The following NLRP5 variants were observed in gnomAD, a reference collection of about 807,000 sequenced individuals.
The protein encoded by NLRP5 is NACHT, LRR and PYD domains-containing protein 5.
In NLRP5, 93 loss-of-function variants were observed where a neutral mutation model predicts 113.1. That is an observed-to-expected ratio of 0.82 (90% confidence interval 0.70 to 0.98). The LOEUF (loss-of-function observed/expected upper bound fraction) is 0.98. Among genes scored for constraint, NLRP5 ranks in the 50% least tolerant of loss-of-function variants. NLRP5 has a pLI of 0.00. For synonymous variants in NLRP5, 751 were observed against 600.7 expected (o/e 1.25, Z -3.66); for missense variants, 1,808 against 1,514.3 (o/e 1.19, Z -3.22).
chr19:56,004,208 C>T lies in NLRP5; in HGVS notation c.442+113C>T, dbSNP rs528480577. On this transcript the variant is annotated intron_variant, in intron 2 of 14. Coordinates refer to ENST00000390649, the MANE Select transcript of NLRP5 (RefSeq NM_153447.4). ...CCGGCTCCACCTCTGCAGTGTGAGTCTGAGCTGTGAGAAGGATCCTATTGG... is the reference window on the plus strand; with the variant it reads ...CCGGCTCCACCTCTGCAGTGTGAGTTTGAGCTGTGAGAAGGATCCTATTGG... The T allele has an allele frequency of 3.6e-4, 411 of 1,151,198 alleles. 1 individual carries two copies. Among genetic ancestry groups the T allele is most frequent in the Non-Finnish European group, 4.3e-4 (348 of 818,408 alleles). 71.3% of individuals were successfully genotyped at this position (1,151,198 alleles called of 1,614,324 possible).
At chr19:55,990,650 C>T in the NLRP5 span, among the ~76,000 whole-genome samples, 1 of 151,968 alleles carries the variant, frequency 6.6e-6, no homozygotes, top group South Asian at 2.1e-4. Flanking sequence ...CACGGTGAAA[C>T]CCCGTCTCTA....
At chr19:56,060,449 T>A (rs567512797) in intron 14 of NLRP5, among the ~76,000 whole-genome samples, 1 of 152,272 alleles carries the variant, frequency 6.6e-6, no homozygotes, top group African/African-American at 2.4e-5. Flanking sequence ...GTTTTCTCGT[T>A]GTTATAGCAA....
chr19:55,992,856 T>C, the NLRP5 span, among the ~76,000 whole-genome samples: 314 of 4,000 alleles, frequency 0.079, 1 homozygote, highest in African/African-American at 0.43. Context: ...TTATGGAGAC[T>C]TTTTTTTTTT....
intron 3 of NLRP5, among the ~76,000 whole-genome samples, chr19:56,011,569 G>C (rs770957949): frequency 1.6e-4 from 24 of 151,900 alleles, no homozygotes; most frequent in Non-Finnish European, 5.9e-5. Context: ...TACGTATGAC[G>C]ACTACAAAGC....
At chr19:56,001,342 A>T (rs1023515482) in intron 1 of NLRP5, among the ~76,000 whole-genome samples, 2 of 151,390 alleles carry the variant, frequency 1.3e-5, no homozygotes, top group Admixed American at 1.3e-4. Context: ...AAAACAAACA[A>T]AAAACACCAC....
intron 4 of NLRP5, chr19:56,018,496 A>T (rs1043268337): frequency 1.1e-4 from 17 of 152,234 alleles, no homozygotes; most frequent in African/African-American, 4.1e-4. Flanking sequence ...GCTTTTCTAG[A>T]TGAGCATACA....
intron 7 of NLRP5, among the ~76,000 whole-genome samples, chr19:56,031,894 A>G (rs1983129992): frequency 6.6e-6 from 1 of 152,194 alleles, no homozygotes; most frequent in African/African-American, 2.4e-5. Context: ...CACCTCTTCC[A>G]CATCCTGATC....
chr19:56,051,499 T>C (rs1983930939), intron 12 of NLRP5, among the ~76,000 whole-genome samples: 2 of 152,158 alleles, frequency 1.3e-5, no homozygotes, highest in African/African-American at 4.8e-5. Context: ...CGCCAAGCAC[T>C]TAATGCATTC....
At chr19:56,035,755 G>A (rs185946233) in intron 9 of NLRP5, among the ~76,000 whole-genome samples, 137 of 152,236 alleles carry the variant, frequency 9.0e-4, no homozygotes, top group African/African-American at 3.0e-3. Context: ...CACCTGGCCC[G>A]TATTCCCCAA....
At chr19:56,011,158 A>AAAAAAAATATAT (rs372922763) in intron 3 of NLRP5, among the ~76,000 whole-genome samples, 57 of 145,222 alleles carry the variant, frequency 3.9e-4, no homozygotes, top group Middle Eastern at 3.5e-3. Context: ...GTCTTTAAAA[A>AAAAAAAATATAT]ATATATATAC....
At position 56,056,991 on chromosome 19, in the gene NLRP5, T is replaced by C. The variant is rs140940375; in HGVS notation, c.3300-1249T>C. Among the ~76,000 whole-genome samples, 866 of 151,584 alleles carry C rather than the reference T, an allele frequency of 5.7e-3. 8 individuals carry two copies. The highest frequency in any genetic ancestry group is 0.019 in the African/African-American group (799 of 41,346). Reference sequence around the variant, plus strand: ...CCCGTCTATACTAAAAATACAAAAATTAGGCATGGTGGCAGGCGCTTGTAA... The same window carrying C: ...CCCGTCTATACTAAAAATACAAAAACTAGGCATGGTGGCAGGCGCTTGTAA... On this transcript the variant is annotated intron_variant, in intron 13 of 14. Transcript: ENST00000390649.
In NLRP5 at chr19:56,003,805, A is replaced by G. The variant is rs1272490566; in HGVS notation, c.152A>G (p.Lys51Arg). 1 of 1,613,888 alleles carries G rather than the reference A, an allele frequency of 6.2e-7. No homozygotes were observed. Among genetic ancestry groups the G allele is most frequent in the Non-Finnish European group, 8.5e-7 (1 of 1,179,904 alleles). ...AACCTGAGCTCTCAGCCTTGTATCAAGATGGAAGGAGACAAATCGCTCACC... is the reference window on the plus strand; with the variant it reads ...AACCTGAGCTCTCAGCCTTGTATCAGGATGGAAGGAGACAAATCGCTCACC... The change falls in exon 2 of 15, where the codon AAG becomes AGG. Residue 51 changes from lysine (K) to arginine (R), a missense_variant. Coordinates refer to ENST00000390649, the MANE Select transcript of NLRP5 (RefSeq NM_153447.4).
chr19:56,030,714 C>CTTTTTTTTTTTTTTTTTTT (rs770624516), intron 7 of NLRP5, among the ~76,000 whole-genome samples: 1,000 of 71,228 alleles, frequency 0.014, 209 homozygotes, highest in African/African-American at 0.021. Flanking sequence ...CTTTCTTCTT[C>CTTTTTTTTTTTTTTTTTTT]TTTTTTTTTT....
At chr19:56,032,419 T>C (rs1379361315) in intron 7 of NLRP5, among the ~76,000 whole-genome samples, 192 bp from the exon 8 acceptor site, 1 of 151,016 alleles carries the variant, frequency 6.6e-6, no homozygotes, top group Non-Finnish European at 1.5e-5. Context: ...CGGGTATCGG[T>C]ATATCCGGGA....
the NLRP5 span, among the ~76,000 whole-genome samples, chr19:55,990,623 G>C: frequency 6.6e-6 from 1 of 151,986 alleles, no homozygotes; most frequent in Admixed American, 6.6e-5. Flanking sequence ...TCAGGAGATC[G>C]AGACCATCCT....
intron 10 of NLRP5, among the ~76,000 whole-genome samples, chr19:56,039,575 CAT>C (rs1983444026): frequency 6.6e-6 from 1 of 152,174 alleles, no homozygotes; most frequent in African/African-American, 2.4e-5. Context: ...ACCTATCACT[CAT>C]GTAGCAGACT....
At chr19:56,050,382 C>T (rs559856420) in intron 11 of NLRP5, 36 bp from the exon 12 acceptor site, 15 of 1,593,700 alleles carry the variant, frequency 9.4e-6, no homozygotes, top group Admixed American at 6.8e-5. Flanking sequence ...GGGGAATGAG[C>T]ATCACGATCT....
the NLRP5 span, among the ~76,000 whole-genome samples, chr19:55,991,337 A>C: frequency 6.6e-6 from 1 of 152,186 alleles, no homozygotes; most frequent in Non-Finnish European, 1.5e-5. Flanking sequence ...AGTGAATATC[A>C]TTCTTCTTAG....
chr19:56,020,104 T>G (rs1982559881), intron 5 of NLRP5, among the ~76,000 whole-genome samples: 3 of 151,934 alleles, frequency 2.0e-5, no homozygotes, highest in Non-Finnish European at 4.4e-5. Context: ...AGTGCTGGGA[T>G]TACAGGCATG....
Sources: allele counts gnomAD v4.1 joint callset (sites outside exome capture counted in the v4.1 genomes callset), GRCh38; gene constraint gnomAD v4.1.1; transcripts MANE v1.5; gene names NCBI Gene and HGNC (gene_info 2026-07-23, HGNC 2026-07-21).